The following RYR2 variants were observed in gnomAD, a reference collection of about 807,000 sequenced individuals.
RYR2 encodes the protein ryanodine receptor 2.
Under a neutral mutation model 601.1 loss-of-function variants are expected in RYR2, and 227 were observed. The ratio of observed to expected loss-of-function variants is 0.38; its 90% confidence interval spans 0.34 to 0.42. The LOEUF is 0.42. Among genes scored for constraint, RYR2 ranks in the 10% least tolerant of loss-of-function variants. The pLI is 1.00. For missense variants in RYR2, 4,646 were observed against 6,156.5 expected (o/e 0.75, Z 8.21); for synonymous variants, 2,223 against 2,175.1 (o/e 1.02, Z -0.61).
intron 13 of RYR2, 55 bp downstream of exon 13, chr1:237,441,538 A>T: frequency 7.0e-7 from 1 of 1,423,894 alleles, no homozygotes; most frequent in South Asian, 1.8e-5. Flanking sequence ...TGAATACACA[A>T]GCACAAGTCA....
chr1:237,205,198 T>C (rs552155020), intron 1 of RYR2, among the ~76,000 whole-genome samples: 1 of 152,296 alleles, frequency 6.6e-6, no homozygotes, highest in East Asian at 1.9e-4. Flanking sequence ...CCCCCAAGCC[T>C]AGCAAATGGG....
chr1:237,173,161 C>T (rs1270127944), intron 1 of RYR2, among the ~76,000 whole-genome samples: 1 of 151,662 alleles, frequency 6.6e-6, no homozygotes, highest in Non-Finnish European at 1.5e-5. Context: ...GCTGTAGATA[C>T]GACAAACTAC....
intron 89 of RYR2, among the ~76,000 whole-genome samples, chr1:237,782,031 A>T (rs1695157976): frequency 6.6e-6 from 1 of 152,078 alleles, no homozygotes. Context: ...AAGACCACAG[A>T]GTCACTCCTT....
intron 1 of RYR2, among the ~76,000 whole-genome samples, chr1:237,167,968 A>G (rs549091334): frequency 5.9e-5 from 9 of 152,212 alleles, no homozygotes; most frequent in Non-Finnish European, 8.8e-5. Context: ...TAGTCAGGAA[A>G]TAAGCTGAAT....
chr1:237,254,235 C>A (rs1687738188), intron 1 of RYR2, among the ~76,000 whole-genome samples: 2 of 151,930 alleles, frequency 1.3e-5, no homozygotes, highest in Admixed American at 6.6e-5. Context: ...GAGAATTTGC[C>A]CTGTGTTTGT....
intron 92 of RYR2, among the ~76,000 whole-genome samples, chr1:237,789,151 A>G (rs1024977879): frequency 1.4e-4 from 21 of 152,098 alleles, no homozygotes; most frequent in African/African-American, 5.1e-4. Context: ...TGTTAGACCT[A>G]GAATTTAAGA....
intron 62 of RYR2, among the ~76,000 whole-genome samples, chr1:237,684,362 G>A (rs753457450): frequency 1.3e-5 from 2 of 152,046 alleles, no homozygotes; most frequent in African/African-American, 2.4e-5. Flanking sequence ...AAGTAGACAC[G>A]TACATATAGA....
At chr1:237,791,172 G>T (rs1234798824) in intron 92 of RYR2, among the ~76,000 whole-genome samples, 1 of 152,166 alleles carries the variant, frequency 6.6e-6, no homozygotes, top group Non-Finnish European at 1.5e-5. Context: ...CTAACCCGAT[G>T]TAGTTTTCTT....
At chr1:237,415,991 A>G (rs1251270743) in intron 10 of RYR2, among the ~76,000 whole-genome samples, 1 of 152,192 alleles carries the variant, frequency 6.6e-6, no homozygotes, top group Non-Finnish European at 1.5e-5. Flanking sequence ...TATATTTGAA[A>G]CATTCCACAA....
intron 101 of RYR2, among the ~76,000 whole-genome samples, chr1:237,825,069 T>C (rs2493904): frequency 0.26 from 39,891 of 151,960 alleles, 5,682 homozygotes; most frequent in East Asian, 0.61. Flanking sequence ...GAATCAATAT[T>C]GTGAAAATGG....
chr1:237,406,938 G>T (rs1372075211), intron 10 of RYR2, among the ~76,000 whole-genome samples: 1 of 152,068 alleles, frequency 6.6e-6, no homozygotes, highest in Non-Finnish European at 1.5e-5. Context: ...ATCCACAATT[G>T]CAGTATCACA....
At chr1:237,308,478 G>A (rs1007570827) in intron 2 of RYR2, among the ~76,000 whole-genome samples, 3 of 152,166 alleles carry the variant, frequency 2.0e-5, no homozygotes, top group African/African-American at 7.2e-5. Context: ...CCTTGGATCT[G>A]GATTTGTGTC....
chr1:237,417,227 C>A, intron 11 of RYR2, 104 bp downstream of exon 11: 2 of 818,168 alleles, frequency 2.4e-6, no homozygotes, highest in Non-Finnish European at 4.0e-6. Flanking sequence ...AGCAAGCAAG[C>A]GAACAAAGGA....
At chr1:237,542,360 A>G (rs1572798536) in intron 25 of RYR2, among the ~76,000 whole-genome samples, 1 of 152,088 alleles carries the variant, frequency 6.6e-6, no homozygotes, top group Admixed American at 6.6e-5. Context: ...CCCATGTATT[A>G]TTAGTTCCTA....
intron 35 of RYR2, among the ~76,000 whole-genome samples, chr1:237,603,160 G>T (rs556462152): frequency 6.6e-6 from 1 of 152,136 alleles, no homozygotes; most frequent in African/African-American, 2.4e-5. Context: ...AATTAGTGAC[G>T]TTCATGAATG....
At chr1:237,709,176 T>C (rs1688620950) in intron 69 of RYR2, 78 bp downstream of exon 69, 3 of 1,286,352 alleles carry the variant, frequency 2.3e-6, no homozygotes, top group Admixed American at 4.9e-5. Context: ...GTTCAATCGC[T>C]TCATTCACTA....
At position 237,603,449 on chromosome 1, in the gene RYR2, C is replaced by T. The variant is rs533318612; in HGVS notation, c.4683+1338C>T. The stretch of plus-strand genomic sequence containing the variant: ...GGCCCCAAGGGGCTCTTGCTTCTGG[C>T]GCCAAGTGCCCGGCCACATGCACAT... On this transcript the variant is annotated intron_variant, in intron 35 of 104. Transcript: ENST00000366574. Among the ~76,000 whole-genome samples, 6 of 152,232 alleles carry T rather than the reference C, an allele frequency of 3.9e-5. No homozygotes were observed. The East Asian group carries it at 5.8e-4, about 15-fold the overall frequency.
intron 1 of RYR2, among the ~76,000 whole-genome samples, chr1:237,172,981 C>A (rs2148913502): frequency 6.6e-6 from 1 of 152,276 alleles, no homozygotes; most frequent in Non-Finnish European, 1.5e-5. Context: ...CAGCAATAAG[C>A]CTGCTAGTAT....
In RYR2 at chr1:237,454,442, T is replaced by G. The variant is rs772076225; in HGVS notation, c.1344T>G (p.Pro448=). The G allele has an allele frequency of 6.2e-7, 1 of 1,613,494 alleles. No individual in the cohort carries two copies. The highest frequency in any genetic ancestry group is 1.3e-5 in the African/African-American group (1 of 74,932). ...CGAAGGCTTCCACAGTCGATTTGCC[T>G]ATAGAGTCCGTAAGCCTAAGTCTGC... is the stretch of plus-strand genomic sequence containing the variant. ...KKAKASTVDL[P]IESVSLSLQD... is the part of the protein sequence containing the mutation. Residue 448 remains proline, a synonymous_variant, in exon 15 of 105, where the codon CCT becomes CCG. Coordinates refer to ENST00000366574, the MANE Select transcript of RYR2 (RefSeq NM_001035.3).
Sources: allele counts gnomAD v4.1 joint callset (sites outside exome capture counted in the v4.1 genomes callset), GRCh38; gene constraint gnomAD v4.1.1; transcripts MANE v1.5; gene names NCBI Gene and HGNC (gene_info 2026-07-23, HGNC 2026-07-21).